WDFY4: variants seen among roughly 807,000 people sequenced by gnomAD.
WDFY4 encodes WDFY family member 4, also known as WD repeat- and FYVE domain-containing protein 4.
A neutral mutation model predicts 351.9 loss-of-function variants in WDFY4; 169 were observed. That is an observed-to-expected ratio of 0.48 (90% CI 0.42 to 0.55). The LOEUF (loss-of-function observed/expected upper bound fraction) is 0.55. Among genes scored for constraint, WDFY4 ranks in the 20% least tolerant of loss-of-function variants. The probability of loss-of-function intolerance (pLI) is 0.00; values close to 1 mark genes in which losing one functional copy is unlikely to be tolerated. For synonymous variants in WDFY4, 1,622 were observed against 1,574.6 expected, an observed-to-expected ratio of 1.03 and a Z score of -0.71; for missense variants, 3,803 against 3,935.6, an observed-to-expected ratio of 0.97 and a Z score of 0.90.
chr10:48,830,936 C>A (rs1040399041), intron 38 of WDFY4, 51 bp downstream of exon 38: 2 of 1,519,466 alleles, frequency 1.3e-6, no homozygotes, highest in Admixed American at 4.0e-5. Context: ...TCTCACAGAG[C>A]CAGACTCCCG....
chr10:48,737,808 T>C (rs565678573), intron 11 of WDFY4, among the ~76,000 whole-genome samples: 1 of 152,320 alleles, frequency 6.6e-6, no homozygotes, highest in African/African-American at 2.4e-5. Flanking sequence ...GGGAGAGATA[T>C]ATCAAAAATA....
At chr10:48,764,836 T>C (rs916838174) in intron 13 of WDFY4, among the ~76,000 whole-genome samples, 2 of 152,174 alleles carry the variant, frequency 1.3e-5, no homozygotes, top group East Asian at 1.9e-4. Flanking sequence ...GGCAGGGAAG[T>C]GTAGAAGATA....
At chr10:48,799,096 G>C (rs919576563) in intron 24 of WDFY4, among the ~76,000 whole-genome samples, 1 of 152,172 alleles carries the variant, frequency 6.6e-6, no homozygotes, top group Non-Finnish European at 1.5e-5. Context: ...CACCAGCATG[G>C]CCCAGGAATT....
intron 1 of WDFY4, among the ~76,000 whole-genome samples, chr10:48,700,158 G>T (rs577072322): frequency 1.1e-4 from 17 of 152,278 alleles, no homozygotes; most frequent in African/African-American, 3.1e-4. Context: ...CCATCAGCAG[G>T]CGAATCATCT....
At chr10:48,813,174 A>G (rs1325279823) in intron 30 of WDFY4, among the ~76,000 whole-genome samples, 4 of 152,220 alleles carry the variant, frequency 2.6e-5, no homozygotes, top group Non-Finnish European at 5.9e-5. Context: ...AGTTGAGTTA[A>G]ACCTAACTGA....
chr10:48,802,223 A>G (rs908615708), intron 24 of WDFY4, among the ~76,000 whole-genome samples: 1 of 152,156 alleles, frequency 6.6e-6, no homozygotes, highest in Non-Finnish European at 1.5e-5. Flanking sequence ...AAAAATTTTA[A>G]CAATTAGCTA....
At chr10:48,787,980 TCTTCTCCTTCTC>T (rs1476322566) in intron 20 of WDFY4, among the ~76,000 whole-genome samples, 76 of 52,980 alleles carry the variant, frequency 1.4e-3, no homozygotes, top group African/African-American at 3.3e-3. Flanking sequence ...TTCTTCTTCT[TCTTCTCCTTCTC>T]CTTCTCCTTC....
At chr10:48,831,108 G>T (rs1490366772) in intron 38 of WDFY4, among the ~76,000 whole-genome samples, 2 of 152,176 alleles carry the variant, frequency 1.3e-5, no homozygotes, top group Non-Finnish European at 2.9e-5. Context: ...AGCCAACCAA[G>T]CAGGAAGATT....
Position 48,817,337 on chromosome 10 carries a change from G to C in WDFY4, c.5433G>C (p.Gln1811His), listed in dbSNP as rs948770627. The change falls in exon 32 of 62, where the codon CAG becomes CAC. Residue 1811 changes from glutamine (Q) to histidine (H), a missense_variant. By Grantham distance (24) the Gln-to-His change is conservative (BLOSUM62 0). Around this residue, in one of 3 missense-constraint regions of WDFY4, gnomAD observed 3,054 missense variants for 3,148.6 expected, o/e 0.97. Transcript: ENST00000325239. Reference protein sequence around the residue: ...FLSLVHRTYPQDPAWRAPEFL... With the variant: ...FLSLVHRTYPHDPAWRAPEFL... ...GCCTCGTCCACCGCACCTACCCCCA[G>C]GACCCAGCGTGGCGAGCCCCGGAGT... is the stretch of plus-strand genomic sequence containing the variant. 26 of 1,551,514 alleles carry C rather than the reference G, an allele frequency of 1.7e-5. No individual in the cohort carries two copies. The highest frequency in any genetic ancestry group is 2.3e-5 in the Non-Finnish European group (26 of 1,146,962).
At chr10:48,806,789 A>G (rs757587990) in intron 27 of WDFY4, among the ~76,000 whole-genome samples, 1 of 152,264 alleles carries the variant, frequency 6.6e-6, no homozygotes, top group East Asian at 1.9e-4. Flanking sequence ...CCTAAGCCAC[A>G]TATAGCCATT....
At chr10:48,952,774 G>A (rs1841390580) in intron 51 of WDFY4, among the ~76,000 whole-genome samples, 1 of 152,136 alleles carries the variant, frequency 6.6e-6, no homozygotes, top group Non-Finnish European at 1.5e-5. Flanking sequence ...GCCACTCTGG[G>A]GTCATCCCGT....
rs191269628 is a variant in WDFY4 at position 48,815,934 on chromosome 10, T to A, written c.5341-1311T>A. ...TTTTCAGGTTTTGACATCAGTATTA[T>A]GCTAATATTATATAAAAAAGACTTC... On this transcript the variant is annotated intron_variant, in intron 31 of 61. Coordinates refer to ENST00000325239, the MANE Select transcript of WDFY4 (RefSeq NM_001394531.1). Among the ~76,000 whole-genome samples the A allele has an allele frequency of 3.2e-3, 486 of 152,298 alleles. 22 individuals carry two copies. The highest frequency in any genetic ancestry group is 0.031 in the Admixed American group (481 of 15,290).
chr10:48,734,925 G>A (rs1371839986), intron 10 of WDFY4, among the ~76,000 whole-genome samples: 7 of 148,994 alleles, frequency 4.7e-5, no homozygotes, highest in African/African-American at 9.9e-5. Context: ...ACAGGCGCAC[G>A]CCGCCATGCA....
chr10:48,971,533 A>G (rs920729017), intron 57 of WDFY4, among the ~76,000 whole-genome samples: 3 of 152,000 alleles, frequency 2.0e-5, no homozygotes, highest in African/African-American at 4.8e-5. Flanking sequence ...AAATTTACTA[A>G]ACTGAACATG....
At chr10:48,932,009 A>G (rs924597668) in intron 47 of WDFY4, among the ~76,000 whole-genome samples, 2 of 152,230 alleles carry the variant, frequency 1.3e-5, no homozygotes, top group African/African-American at 4.8e-5. Context: ...TGCAGGGAGC[A>G]TGGGAGCTGT....
intron 13 of WDFY4, among the ~76,000 whole-genome samples, chr10:48,766,834 G>T (rs2065688012): frequency 6.6e-6 from 1 of 152,166 alleles, no homozygotes. Flanking sequence ...GGATCACAGA[G>T]ATCACAGACT....
chr10:48,970,922 C>T (rs910070162), intron 57 of WDFY4, among the ~76,000 whole-genome samples: 1 of 152,184 alleles, frequency 6.6e-6, no homozygotes, highest in African/African-American at 2.4e-5. Flanking sequence ...CTAATCGCAG[C>T]GGCACTTAAC....
At chr10:48,775,681 T>G in intron 14 of WDFY4, 31 bp from the exon 15 acceptor site, 1 of 1,539,606 alleles carries the variant, frequency 6.5e-7, no homozygotes, top group South Asian at 1.2e-5. Context: ...GTAAAATGTC[T>G]TCATTTTTTC....
chr10:48,932,249 G>T (rs1840059245), intron 47 of WDFY4, among the ~76,000 whole-genome samples: 1 of 152,172 alleles, frequency 6.6e-6, no homozygotes, highest in African/African-American at 2.4e-5. Flanking sequence ...GAATGCTGGT[G>T]GAGTCACCAG....
Sources: gnomAD v4.1 joint callset for allele counts (sites outside exome capture counted in the v4.1 genomes callset) on GRCh38, gnomAD v4.1.1 for gene constraint, gnomAD v4.1.1 regional missense constraint, MANE v1.5 for transcripts, NCBI Gene and HGNC (gene_info 2026-07-23, HGNC 2026-07-21) for gene names.